Variants in HLA-F observed in about 807,000 individuals in gnomAD.
The protein encoded by HLA-F is HLA class I histocompatibility antigen, alpha chain F.
A neutral mutation model predicts 49.5 loss-of-function variants in HLA-F; 46 were observed. The observed-to-expected ratio is 0.93, with a 90% CI of 0.73 to 1.19. The LOEUF (loss-of-function observed/expected upper bound fraction) is 1.19. Ranked by LOEUF, HLA-F falls within the 50% of genes most tolerant of loss-of-function variation. The pLI is 0.00. For missense variants in HLA-F, 496 were observed against 579.6 expected, an observed-to-expected ratio of 0.86 and a Z score of 1.48; for synonymous variants, 203 against 233.5, an observed-to-expected ratio of 0.87 and a Z score of 1.19.
chr6:29,734,154 G>A (rs138490994), intron 3 of HLA-F, among the ~76,000 whole-genome samples: 3 of 152,304 alleles, frequency 2.0e-5, no homozygotes, highest in Non-Finnish European at 4.4e-5. Context: ...GTTGATGGAT[G>A]GGCCAAGGTA....
At chr6:29,733,787 GT>G (rs1776825929) in intron 3 of HLA-F, among the ~76,000 whole-genome samples, 1 of 152,046 alleles carries the variant, frequency 6.6e-6, no homozygotes, top group Non-Finnish European at 1.5e-5. Context: ...TGGTTACAGC[GT>G]TTAGCTGAGC....
chr6:29,724,440 A>T lies in HLA-F; in HGVS notation c.602A>T (p.Gln201Leu), dbSNP rs1314940664. 7.4e-6 allele frequency: 12 copies of T among 1,612,948 alleles called. No individual in the cohort carries two copies. The highest frequency in any genetic ancestry group is 1.0e-5 in the Non-Finnish European group (12 of 1,179,898). Residue 201 changes from glutamine to leucine, a missense_variant, in exon 3 of 7, where the codon CAG (glutamine) becomes CTG (leucine). Physicochemically the swap from Gln to Leu is moderately radical, Grantham distance 113. Transcript: ENST00000259951. ...RYLENGKETL[Q>L]RADPPKAHVA... is the part of the protein sequence containing the mutation. ...TTGGAGAATGGGAAGGAGACGCTAC[A>T]GCGCGCAGGTACCAGGGGCCATGGG...
At chr6:29,723,594 G>A in intron 1 of HLA-F, 64 bp from the exon 2 acceptor site, 2 of 1,599,180 alleles carry the variant, frequency 1.3e-6, no homozygotes, top group Non-Finnish European at 1.7e-6. Context: ...CGGTGGGGGC[G>A]CAGGACTCAG....
intron 3 of HLA-F, among the ~76,000 whole-genome samples, chr6:29,733,841 G>T (rs1292991596): frequency 6.6e-6 from 1 of 152,018 alleles, no homozygotes; most frequent in Non-Finnish European, 1.5e-5. Flanking sequence ...ATAAAATACT[G>T]ATTATCTCAT....
intron 3 of HLA-F, 69 bp downstream of exon 3, chr6:29,724,517 G>T: frequency 6.5e-7 from 1 of 1,535,116 alleles, no homozygotes. Flanking sequence ...ACAAGGTTGG[G>T]AGGAAAGTGG....
Position 29,726,406 on chromosome 6 carries a change from G to T in HLA-F, c.1036+363G>T, listed in dbSNP as rs764319372. 9 of 1,611,952 alleles carry T rather than the reference G, an allele frequency of 5.6e-6. No homozygotes were observed. The Admixed American group carries it at 1.5e-4, about 27-fold the overall frequency. On this transcript the variant is annotated intron_variant, in intron 6 of 6. Transcript: ENST00000259951. ...TTCATGAATATTTTCTCTATAGTGTGAGACAGCTTCCTTGTGTGGGACTGA... is the reference window on the plus strand; with the variant it reads ...TTCATGAATATTTTCTCTATAGTGTTAGACAGCTTCCTTGTGTGGGACTGA...
chr6:29,729,484 TAACTC>T (rs1776381576), downstream of HLA-F: 1 of 152,194 alleles, frequency 6.6e-6, no homozygotes, highest in Non-Finnish European at 1.5e-5. Flanking sequence ...ATTCAAAAAT[TAACTC>T]AATTAACTCA....
At chr6:29,731,622 T>G (rs1367251482), downstream of HLA-F, among the ~76,000 whole-genome samples, 2 of 151,990 alleles carry the variant, frequency 1.3e-5, no homozygotes, top group African/African-American at 4.8e-5. Context: ...CGAGAGAGGA[T>G]TTTCCCCGCT....
downstream of HLA-F, among the ~76,000 whole-genome samples, chr6:29,730,452 C>G (rs919011051): frequency 1.3e-5 from 2 of 152,088 alleles, no homozygotes; most frequent in Admixed American, 6.5e-5. Context: ...TGAAAATGTT[C>G]TGGAAATGCA....
rs566982053 is a variant in HLA-F, at chr6:29,725,532, C to T, written c.972C>T (p.Val324=). The change falls in exon 5 of 7, where the codon GTC becomes GTT. Residue 324 remains valine, a synonymous_variant. Transcript: ENST00000259951. ...VLGAVVTGAV[V]AAVMWRKKSS... ...GAGCTGTGGTCACTGGAGCTGTGGT[C>T]GCTGCTGTGATGTGGAGGAAGAAGA... 9 of 1,613,962 alleles carry T rather than the reference C, an allele frequency of 5.6e-6. No individual in the cohort carries two copies. Among genetic ancestry groups the T allele is most frequent in the African/African-American group, 1.3e-5 (1 of 74,998 alleles).
chr6:29,737,218 C>CAAAAAAAAAAAAAAAA lies in HLA-F; in HGVS notation c.404-896_404-881dup, dbSNP rs3030698. 7.7e-4 allele frequency among the ~76,000 whole-genome samples: 50 copies of CAAAAAAAAAAAAAAAA among 65,190 alleles called. 2 individuals are homozygous for CAAAAAAAAAAAAAAAA. Among genetic ancestry groups the CAAAAAAAAAAAAAAAA allele is most frequent in the East Asian group, 4.8e-3 (9 of 1,886 alleles). 42.8% of individuals were successfully genotyped at this position (65,190 alleles called of 152,430 possible). On this transcript the variant is annotated intron_variant, in intron 3 of 4. Coordinates refer to the HLA-F transcript ENST00000465459. ...GATATAGTACCATCAATCCTCATGG[C>CAAAAAAAAAAAAAAAA]AAAAAAAAAAAAAAAAAAAAAAACC...
intron 3 of HLA-F, among the ~76,000 whole-genome samples, chr6:29,724,779 T>C (rs1330668018): frequency 6.6e-6 from 1 of 152,126 alleles, no homozygotes; most frequent in African/African-American, 2.4e-5. Flanking sequence ...ACACTCAATG[T>C]GTTTGAGGCT....
Position 29,724,444 on chromosome 6 carries a change from C to T in HLA-F, c.606C>T (p.Arg202=). 1 of 1,612,884 alleles carries T rather than the reference C, an allele frequency of 6.2e-7. No individual in the cohort carries two copies. The highest frequency in any genetic ancestry group is 8.5e-7 in the Non-Finnish European group (1 of 1,179,764). ...AGAATGGGAAGGAGACGCTACAGCG[C>T]GCAGGTACCAGGGGCCATGGGCGCC... ...YLENGKETLQ[R]ADPPKAHVAH... Residue 202 remains arginine, a synonymous_variant, in exon 3 of 7, where the codon CGC becomes CGT. Coordinates refer to ENST00000259951, the MANE Select transcript of HLA-F (RefSeq NM_001098479.2).
At chr6:29,737,241 A>AAAAAAAAAT (rs1562312710) in intron 3 of HLA-F, among the ~76,000 whole-genome samples, 1 of 132,758 alleles carries the variant, frequency 7.5e-6, no homozygotes, top group Non-Finnish European at 1.7e-5. Flanking sequence ...AAAAAAAAAA[A>AAAAAAAAAT]CCCTGAATAG....
chr6:29,730,824 C>G (rs1170198080), downstream of HLA-F, among the ~76,000 whole-genome samples: 2 of 152,216 alleles, frequency 1.3e-5, no homozygotes, highest in African/African-American at 4.8e-5. Context: ...CCGTTTCCTA[C>G]AAGCCCCTCA....
intron 6 of HLA-F, chr6:29,726,559 ATGTGTGTGTG>A: frequency 1.5e-6 from 2 of 1,353,958 alleles, no homozygotes; most frequent in South Asian, 1.5e-5. Flanking sequence ...ATGCACGTAA[ATGTGTGTGTG>A]TGTGTGTGTG....
Position 29,723,842 on chromosome 6 carries a change from G to A in HLA-F, c.249G>A (p.Trp83Ter), listed in dbSNP as rs1375803016. The change falls in exon 2 of 7, where the codon TGG becomes TGA. Residue 83 changes from tryptophan (W) to a stop codon, truncating the protein, a stop_gained. Transcript: ENST00000259951. LOFTEE classifies it high-confidence loss of function. ...VEQEGPQYWEWTTGYAKANAQ... is the reference protein window; with the variant it reads ...VEQEGPQYWE ...AAGAGGGGCCGCAGTATTGGGAGTG[G>A]ACCACAGGGTACGCCAAGGCCAACG... 5 of 1,600,724 alleles carry A rather than the reference G, an allele frequency of 3.1e-6. No individual in the cohort carries two copies. Among genetic ancestry groups the A allele is most frequent in the African/African-American group, 1.3e-5 (1 of 74,672 alleles).
chr6:29,726,236 C>T (rs1250973653), intron 6 of HLA-F, 193 bp downstream of exon 6: 3 of 949,346 alleles, frequency 3.2e-6, no homozygotes, highest in Admixed American at 1.7e-5. Flanking sequence ...GGTGACACTC[C>T]AGGGCAGGGG....
At chr6:29,724,519 G>A in intron 3 of HLA-F, 71 bp downstream of exon 3, 2 of 1,528,024 alleles carry the variant, frequency 1.3e-6, no homozygotes, top group Non-Finnish European at 9.0e-7. Flanking sequence ...AAGGTTGGGA[G>A]GAAAGTGGAC....
Sources: allele counts gnomAD v4.1 joint callset (sites outside exome capture counted in the v4.1 genomes callset), GRCh38; gene constraint gnomAD v4.1.1; transcripts MANE v1.5; gene names NCBI Gene and HGNC (gene_info 2026-07-23, HGNC 2026-07-21).